The following MYRFL variants were observed in gnomAD, a reference collection of about 807,000 sequenced individuals.
The protein encoded by MYRFL is myelin regulatory factor-like protein.
MYRFL carries 88 observed loss-of-function variants against 109.4 expected under a neutral mutation model. That is an observed-to-expected ratio of 0.80 (90% CI 0.68 to 0.96). The LOEUF (loss-of-function observed/expected upper bound fraction) is 0.96, where lower values mean the gene tolerates loss of function less well. Among genes scored for constraint, MYRFL ranks in the 40% least tolerant of loss-of-function variants. MYRFL has a pLI of 0.00. For missense variants in MYRFL, 957 were observed against 954.9 expected (o/e 1.00, Z -0.03); for synonymous variants, 324 against 320.9 (o/e 1.01, Z -0.10).
At chr12:69,877,354 A>G (rs905608364) in intron 2 of MYRFL, among the ~76,000 whole-genome samples, 2 of 152,002 alleles carry the variant, frequency 1.3e-5, no homozygotes, top group Non-Finnish European at 2.9e-5. Context: ...TGTTCAACCA[A>G]TCCTTTTGTT....
intron 1 of MYRFL, among the ~76,000 whole-genome samples, chr12:69,851,662 A>G (rs956387691): frequency 4.6e-5 from 7 of 152,170 alleles, no homozygotes; most frequent in African/African-American, 1.4e-4. Flanking sequence ...TATCACTTAC[A>G]TAATATTTTA....
intron 2 of MYRFL, among the ~76,000 whole-genome samples, chr12:69,874,978 T>A: frequency 1.3e-5 from 2 of 150,882 alleles, no homozygotes; most frequent in East Asian, 3.9e-4. Flanking sequence ...AAGATATAAA[T>A]GTATATATCT....
intron 15 of MYRFL, among the ~76,000 whole-genome samples, chr12:69,930,266 G>A (rs1227743026): frequency 1.3e-5 from 2 of 152,172 alleles, no homozygotes; most frequent in African/African-American, 4.8e-5. Flanking sequence ...CAGCTGGTAA[G>A]AAGCCTGGCT....
At chr12:69,910,151 T>C in intron 12 of MYRFL, 74 bp downstream of exon 12, 1 of 987,710 alleles carries the variant, frequency 1.0e-6, no homozygotes, top group Non-Finnish European at 1.5e-6. Flanking sequence ...TATTTTGAGG[T>C]TATGTGCTAT....
chr12:69,926,845 C>T (rs141168345), intron 14 of MYRFL, 111 bp downstream of exon 14: 1 of 957,598 alleles, frequency 1.0e-6, no homozygotes, highest in South Asian at 5.1e-5. Context: ...CCGCTACTTT[C>T]TGATAATGAA....
At chr12:69,832,311 A>T (rs1231432993) in intron 1 of MYRFL, among the ~76,000 whole-genome samples, 3 of 152,168 alleles carry the variant, frequency 2.0e-5, no homozygotes, top group Admixed American at 2.0e-4. Context: ...CTTTCACACA[A>T]TCAAAAAATA....
intron 15 of MYRFL, among the ~76,000 whole-genome samples, chr12:69,931,880 T>C (rs141127375): frequency 4.1e-4 from 62 of 152,336 alleles, no homozygotes; most frequent in African/African-American, 1.2e-3. Context: ...CTGGAGACTA[T>C]AATTTACTGA....
In MYRFL at chr12:69,825,701, G is replaced by A. The variant is rs906179204; in HGVS notation, c.46+138G>A. The A allele has an allele frequency of 9.8e-6, 6 of 614,674 alleles. No homozygotes were observed. The Admixed American group carries it at 1.1e-4, about 12-fold the overall frequency. The allele number at this position is 614,674 out of a possible 1,614,324, so 38.1% of individuals were successfully genotyped here. A position where few individuals can be genotyped will look rare whatever the true frequency, so the allele number is the denominator to read the frequency against. On this transcript the variant is annotated intron_variant, in intron 1 of 24. Transcript: ENST00000552032. The stretch of plus-strand genomic sequence containing the variant: ...TTAGGTAACTCTCCTAATATCAAAA[G>A]TAGGGGTTTATTTGCTACATTGGGA...
Position 69,936,289 on chromosome 12 carries a change from C to G in MYRFL, c.1998C>G (p.Ile666Met), listed in dbSNP as rs748749211. ...TTTCATTCTTTTTCTCCAGCAATATCACAAGCTCACAGGAGCCAGCTCTGC... is the reference window on the plus strand; with the variant it reads ...TTTCATTCTTTTTCTCCAGCAATATGACAAGCTCACAGGAGCCAGCTCTGC... ...RRVPNLPPSN[I>M]TSSQEPALLP... The change falls in exon 18 of 25, where the codon ATC (isoleucine) becomes ATG (methionine). Residue 666 changes from isoleucine (I) to methionine (M), a missense_variant. Physicochemically the swap from Ile to Met is conservative, Grantham distance 10. Coordinates refer to ENST00000552032, the MANE Select transcript of MYRFL (RefSeq NM_182530.3). The G allele has an allele frequency of 4.6e-6, 7 of 1,536,078 alleles. No homozygotes were observed. The South Asian group carries it at 8.3e-5, about 18-fold the overall frequency.
intron 6 of MYRFL, among the ~76,000 whole-genome samples, chr12:69,889,869 T>A (rs1886691290): frequency 6.6e-6 from 1 of 151,878 alleles, no homozygotes; most frequent in African/African-American, 2.4e-5. Context: ...AAAAAAAAGT[T>A]TAGGATCTTG....
chr12:69,914,876 G>A (rs187876425), intron 13 of MYRFL, among the ~76,000 whole-genome samples: 17 of 152,298 alleles, frequency 1.1e-4, no homozygotes, highest in Admixed American at 2.6e-4. Context: ...GGACCCTGGA[G>A]TGATGCAATC....
intron 16 of MYRFL, 119 bp downstream of exon 16, chr12:69,932,717 T>A: frequency 2.8e-6 from 2 of 707,774 alleles, no homozygotes; most frequent in Non-Finnish European, 4.7e-6. Context: ...CCCTTTAAAC[T>A]AGACACTGAA....
intron 14 of MYRFL, 68 bp from the exon 15 acceptor site, chr12:69,927,617 C>T: frequency 8.5e-7 from 1 of 1,171,950 alleles, no homozygotes; most frequent in Non-Finnish European, 1.2e-6. Context: ...TAGTGACAGC[C>T]TGGGCCTTTG....
intron 2 of MYRFL, among the ~76,000 whole-genome samples, chr12:69,875,801 A>C (rs2136330801): frequency 6.6e-6 from 1 of 152,292 alleles, no homozygotes; most frequent in Middle Eastern, 3.4e-3. Flanking sequence ...CACTACGTCC[A>C]TCTCTTCCAT....
At chr12:69,926,129 T>C (rs1955070467) in intron 13 of MYRFL, among the ~76,000 whole-genome samples, 1 of 148,348 alleles carries the variant, frequency 6.7e-6, no homozygotes. Flanking sequence ...TTTTTTTTTT[T>C]TTTTTTTTTT....
At chr12:69,954,260 C>T (rs1956050137) in intron 21 of MYRFL, among the ~76,000 whole-genome samples, 1 of 152,172 alleles carries the variant, frequency 6.6e-6, no homozygotes, top group Non-Finnish European at 1.5e-5. Context: ...GATGGGGATA[C>T]TTTCAAAACT....
chr12:69,879,127 A>T (rs1329869395), intron 3 of MYRFL, 32 bp downstream of exon 3: 1 of 688,596 alleles, frequency 1.5e-6, no homozygotes, highest in Non-Finnish European at 2.6e-6. Flanking sequence ...CACATCTGGC[A>T]CTGTTGCTCT....
chr12:69,927,618 T>C, intron 14 of MYRFL, 67 bp from the exon 15 acceptor site: 1 of 1,181,418 alleles, frequency 8.5e-7, no homozygotes, highest in Non-Finnish European at 1.2e-6. Flanking sequence ...AGTGACAGCC[T>C]GGGCCTTTGT....
chr12:69,957,531 C>T (rs955541864), intron 22 of MYRFL, among the ~76,000 whole-genome samples: 5 of 152,028 alleles, frequency 3.3e-5, no homozygotes, highest in African/African-American at 9.7e-5. Context: ...TTGGAACCAG[C>T]CTGGGCAACA....
Sources: gnomAD v4.1 joint callset for allele counts (sites outside exome capture counted in the v4.1 genomes callset) on GRCh38, gnomAD v4.1.1 for gene constraint, MANE v1.5 for transcripts, NCBI Gene and HGNC (gene_info 2026-07-23, HGNC 2026-07-21) for gene names.